The following IDH1 variants were observed in gnomAD, a reference collection of about 807,000 sequenced individuals.
The protein encoded by IDH1 is isocitrate dehydrogenase (NADP(+)) 1.
In IDH1, 33 loss-of-function variants were observed where a neutral mutation model predicts 46.1. The ratio of observed to expected loss-of-function variants is 0.72; its 90% CI spans 0.54 to 0.96. IDH1 has a LOEUF of 0.96. Ranked by LOEUF, IDH1 falls within the 40% of genes least tolerant of loss-of-function variation. IDH1 has a pLI of 0.00. For synonymous variants in IDH1, 144 were observed against 172.8 expected, an observed-to-expected ratio of 0.83 and a Z score of 1.31; for missense variants, 421 against 515.7, an observed-to-expected ratio of 0.82 and a Z score of 1.78.
chr2:208,251,216 TC>T (rs1688115967), intron 3 of IDH1: 1 of 471,870 alleles, frequency 2.1e-6, no homozygotes, highest in Non-Finnish European at 3.8e-6. Flanking sequence ...CAGATTATAT[TC>T]TTTTTTTTTT....
At chr2:208,237,615 G>A (rs1167253737) in intron 9 of IDH1, among the ~76,000 whole-genome samples, 2 of 152,004 alleles carry the variant, frequency 1.3e-5, no homozygotes, top group African/African-American at 4.8e-5. Flanking sequence ...ATTTCTATCA[G>A]TGTCTTAAGA....
chr2:208,240,852 C>T (rs986402628), intron 7 of IDH1, among the ~76,000 whole-genome samples: 5 of 152,124 alleles, frequency 3.3e-5, no homozygotes, highest in Non-Finnish European at 5.9e-5. Context: ...TGTAGAGAAA[C>T]AGAAGGATGG....
At position 208,248,422 on chromosome 2, in the gene IDH1, C is replaced by A. The variant is rs2124862802; in HGVS notation, c.361G>T (p.Val121Leu). The A allele has an allele frequency of 6.2e-7, 1 of 1,614,164 alleles. No homozygotes were observed. The highest frequency in any genetic ancestry group is 8.5e-7 in the Non-Finnish European group (1 of 1,180,026). The change falls in exon 4 of 10, where the codon GTG (valine) becomes TTG (leucine). Residue 121 changes from valine to leucine, a missense_variant. Coordinates refer to ENST00000345146, the MANE Select transcript of IDH1 (RefSeq NM_005896.4). ...ATGATAGGTTTTACCCATCCACTCA[C>A]AAGCCGGGGGATATTTTTGCAGATA... ...AIICKNIPRL[V>L]SGWVKPIIIG...
intron 7 of IDH1, among the ~76,000 whole-genome samples, chr2:208,240,701 T>C (rs1440643274): frequency 6.6e-6 from 1 of 152,192 alleles, no homozygotes; most frequent in African/African-American, 2.4e-5. Flanking sequence ...ACAACTCTTA[T>C]ATCTATATAA....
intron 5 of IDH1, 24 bp downstream of exon 5, chr2:208,245,295 A>C: frequency 8.8e-7 from 1 of 1,133,498 alleles, no homozygotes. Context: ...AAAAAAAAGA[A>C]GCTTATGCTA....
intron 1 of IDH1, 123 bp from the exon 2 acceptor site, chr2:208,254,082 G>T (rs1314628575): frequency 6.6e-6 from 1 of 152,220 alleles, no homozygotes; most frequent in Non-Finnish European, 1.5e-5. Context: ...GAGTGTACTC[G>T]GTGGGACAAA....
chr2:208,236,967 A>G lies in IDH1; in HGVS notation c.*112T>C. On this transcript the variant is annotated 3_prime_UTR_variant, in exon 10 of 10. Transcript: ENST00000345146. ...ATAGAAAAGATAAACTCTGGCTTCT[A>G]AACAAATTACAAAATTGATTTTGCC... The G allele has an allele frequency of 1.5e-6, 1 of 683,364 alleles. No individual in the cohort carries two copies. The highest frequency in any genetic ancestry group is 2.6e-6 in the Non-Finnish European group (1 of 385,668). 42.3% of individuals were successfully genotyped at this position (683,364 alleles called of 1,614,324 possible). A position where few individuals can be genotyped will look rare whatever the true frequency, so the allele number is the denominator to read the frequency against.
At position 208,245,282 on chromosome 2, in the gene IDH1, T is replaced by TA. The variant is rs144573553; in HGVS notation, c.520+36dup. The TA allele has an allele frequency of 0.06, 54,344 of 906,242 alleles. 954 individuals are homozygous for TA. Among genetic ancestry groups the TA allele is most frequent in the African/African-American group, 0.11 (6,610 of 59,052 alleles). The allele number at this position is 906,242 out of a possible 1,614,324, so 56.1% of individuals were successfully genotyped here. ...AAAAATATTATCTAAATCATTTGTTTAAAAAAAAAAGAAGCTTATGCTACA... is the reference window on the plus strand; with the variant it reads ...AAAAATATTATCTAAATCATTTGTTTAAAAAAAAAAAGAAGCTTATGCTACA... On this transcript the variant is annotated intron_variant, in intron 5 of 9. Coordinates refer to ENST00000345146, the MANE Select transcript of IDH1 (RefSeq NM_005896.4).
Position 208,243,493 on chromosome 2 carries a change from G to A in IDH1, c.632C>T (p.Thr211Ile). 2 of 1,613,872 alleles carry A rather than the reference G, an allele frequency of 1.2e-6. No individual in the cohort carries two copies. Among genetic ancestry groups the A allele is most frequent in the Non-Finnish European group, 1.7e-6 (2 of 1,179,820 alleles). ...ATATTTCTTCAGAATAGTGTTTTTG[G>A]TGCTCAGATACAAAGGCCAACCCTT... Reference protein sequence around the residue: ...LSKGWPLYLSTKNTILKKYDG... With the variant: ...LSKGWPLYLSIKNTILKKYDG... Residue 211 changes from threonine to isoleucine, a missense_variant, in exon 6 of 10, where the codon ACC (threonine) becomes ATC (isoleucine). Coordinates refer to ENST00000345146, the MANE Select transcript of IDH1 (RefSeq NM_005896.4).
At chr2:208,245,866 T>G (rs1688012654) in intron 4 of IDH1, among the ~76,000 whole-genome samples, 1 of 132,792 alleles carries the variant, frequency 7.5e-6, no homozygotes, top group African/African-American at 2.8e-5. Context: ...CCCTAGAGGG[T>G]GATGATAACA....
At chr2:208,246,098 T>G (rs1366362833) in intron 4 of IDH1, among the ~76,000 whole-genome samples, 1 of 152,154 alleles carries the variant, frequency 6.6e-6, no homozygotes, top group Admixed American at 6.5e-5. Context: ...TTACTAGTGT[T>G]ATAGGACTTG....
At chr2:208,242,633 G>C (rs531431831) in intron 6 of IDH1, among the ~76,000 whole-genome samples, 11 of 152,252 alleles carry the variant, frequency 7.2e-5, no homozygotes, top group African/African-American at 1.9e-4. Flanking sequence ...TGCACCTAAA[G>C]GGAGTTATGC....
At chr2:208,245,270 A>T (rs2124856866) in intron 5 of IDH1, 49 bp downstream of exon 5, 2 of 924,700 alleles carry the variant, frequency 2.2e-6, no homozygotes, top group Non-Finnish European at 3.5e-6. Flanking sequence ...AATATTATCT[A>T]AATCATTTGT....
Position 208,248,334 on chromosome 2 carries a change from A to C in IDH1, c.414+35T>G, listed in dbSNP as rs537894067. 129 of 1,603,544 alleles carry C rather than the reference A, an allele frequency of 8.0e-5. No individual in the cohort carries two copies. In the African/African-American group the frequency reaches 1.6e-3, roughly 19 times the overall value. ...AAATTTCTGGGCCATGAAAAAAAAA[A>C]CATGCAAAATCACATTATTGCCAAC... On this transcript the variant is annotated intron_variant, in intron 4 of 9. Transcript: ENST00000345146.
At chr2:208,243,651 G>A (rs775595570) in intron 5 of IDH1, 47 bp from the exon 6 acceptor site, 2 of 1,486,100 alleles carry the variant, frequency 1.3e-6, no homozygotes, top group African/African-American at 1.4e-5. Flanking sequence ...AAGAATAAAT[G>A]TAATGTAGTT....
chr2:208,245,053 T>C (rs78562918), intron 5 of IDH1, among the ~76,000 whole-genome samples: 4,301 of 152,316 alleles, frequency 0.028, 183 homozygotes, highest in African/African-American at 0.097. Context: ...CTTCTCTCTG[T>C]GCTTTAAGAT....
intron 9 of IDH1, among the ~76,000 whole-genome samples, chr2:208,238,138 C>T (rs571438247): frequency 2.0e-5 from 3 of 151,284 alleles, no homozygotes; most frequent in Admixed American, 6.6e-5. Flanking sequence ...CAGGTTCACG[C>T]CATTCTCCTG....
chr2:208,248,686 A>G (rs375865077), intron 3 of IDH1, 26 bp from the exon 4 acceptor site: 3 of 1,604,280 alleles, frequency 1.9e-6, no homozygotes, highest in East Asian at 4.5e-5. Context: ...TTAGAAGCAA[A>G]GTTTTTCAGA....
intron 6 of IDH1, among the ~76,000 whole-genome samples, chr2:208,243,055 T>C (rs1032935492): frequency 3.9e-5 from 6 of 152,182 alleles, no homozygotes; most frequent in Non-Finnish European, 8.8e-5. Flanking sequence ...TGAGCCACCG[T>C]GCCTGGCCAA....
Sources: gnomAD v4.1 joint callset for allele counts (sites outside exome capture counted in the v4.1 genomes callset) on GRCh38, gnomAD v4.1.1 for gene constraint, MANE v1.5 for transcripts, NCBI Gene and HGNC (gene_info 2026-07-23, HGNC 2026-07-21) for gene names.